The following WWOX variants were observed in gnomAD, a reference collection of about 807,000 sequenced individuals.
WWOX encodes the protein WW domain-containing oxidoreductase.
In WWOX, 69 loss-of-function variants were observed where a neutral mutation model predicts 46.2. The ratio of observed to expected loss-of-function variants is 1.49; its 90% CI spans 1.23 to 1.82. The LOEUF (loss-of-function observed/expected upper bound fraction) is 1.82, where lower values mean the gene tolerates loss of function less well. Among genes scored for constraint, WWOX ranks in the 40% most tolerant of loss-of-function variants. The pLI, the probability that WWOX is intolerant of heterozygous loss-of-function variation, is 0.00. For synonymous variants in WWOX, 359 were observed against 202.6 expected (o/e 1.77, Z -6.56); for missense variants, 919 against 542.6 (o/e 1.69, Z -6.89).
At chr16:78,449,089 G>C (rs1283179552) in intron 8 of WWOX, among the ~76,000 whole-genome samples, 1 of 152,134 alleles carries the variant, frequency 6.6e-6, no homozygotes, top group East Asian at 1.9e-4. Context: ...GACTCAGCAG[G>C]GAAGGATCCA....
At chr16:79,047,543 C>G (rs2048088225) in intron 8 of WWOX, among the ~76,000 whole-genome samples, 1 of 152,146 alleles carries the variant, frequency 6.6e-6, no homozygotes, top group African/African-American at 2.4e-5. Context: ...CTAGGGGCCA[C>G]CATGTGTATC....
chr16:78,727,920 T>A (rs2048874275), intron 8 of WWOX, among the ~76,000 whole-genome samples: 1 of 152,144 alleles, frequency 6.6e-6, no homozygotes, highest in Non-Finnish European at 1.5e-5. Flanking sequence ...TTTATCTGGG[T>A]CATTTTTACT....
intron 5 of WWOX, among the ~76,000 whole-genome samples, chr16:78,175,795 A>G (rs192440556): frequency 3.6e-4 from 55 of 152,282 alleles, no homozygotes; most frequent in Non-Finnish European, 7.1e-4. Flanking sequence ...GCTCTGGGGG[A>G]ATTTGTGATG....
chr16:78,783,267 G>A (rs903593571), intron 8 of WWOX, among the ~76,000 whole-genome samples: 5 of 152,228 alleles, frequency 3.3e-5, no homozygotes, highest in Admixed American at 1.3e-4. Flanking sequence ...ACAGGCTCCT[G>A]TTAAGCTCTC....
intron 8 of WWOX, among the ~76,000 whole-genome samples, chr16:79,070,493 G>C (rs1295965256): frequency 6.6e-6 from 1 of 152,162 alleles, no homozygotes; most frequent in Non-Finnish European, 1.5e-5. Flanking sequence ...AATTCTCATA[G>C]TCTGGAAGGG....
intron 8 of WWOX, among the ~76,000 whole-genome samples, chr16:78,868,100 C>G (rs995489789): frequency 1.3e-5 from 2 of 152,106 alleles, no homozygotes; most frequent in Admixed American, 1.3e-4. Flanking sequence ...CAGCATCATC[C>G]ATGATAGCCA....
intron 8 of WWOX, among the ~76,000 whole-genome samples, chr16:78,463,151 C>T (rs1457197721): frequency 6.6e-6 from 1 of 152,116 alleles, no homozygotes; most frequent in Non-Finnish European, 1.5e-5. Flanking sequence ...GTTGGCATGC[C>T]AGAGTGAAAA....
At chr16:78,287,959 A>C (rs530804113) in intron 5 of WWOX, among the ~76,000 whole-genome samples, 1 of 152,276 alleles carries the variant, frequency 6.6e-6, no homozygotes, top group East Asian at 1.9e-4. Flanking sequence ...GGTCGCTCAA[A>C]ACAGATTTTT....
intron 8 of WWOX, among the ~76,000 whole-genome samples, chr16:79,091,080 T>C (rs1275928422): frequency 1.3e-5 from 2 of 152,062 alleles, no homozygotes; most frequent in Non-Finnish European, 2.9e-5. Flanking sequence ...AAGCCACCGC[T>C]CCAGGCCTAG....
intron 8 of WWOX, among the ~76,000 whole-genome samples, chr16:78,966,886 G>A (rs1256708274): frequency 6.6e-6 from 1 of 152,168 alleles, no homozygotes. Flanking sequence ...TCATAGAGTT[G>A]CAGTGGAGAT....
At chr16:78,182,987 T>G (rs1304900267) in intron 5 of WWOX, among the ~76,000 whole-genome samples, 46 of 149,144 alleles carry the variant, frequency 3.1e-4, no homozygotes, top group Non-Finnish European at 5.2e-4. Context: ...AAAGCAAAGG[T>G]TTTTTCCTCC....
At chr16:78,533,259 T>C (rs1277422610) in intron 8 of WWOX, among the ~76,000 whole-genome samples, 4 of 152,078 alleles carry the variant, frequency 2.6e-5, no homozygotes, top group East Asian at 1.9e-4. Context: ...TAGAAAACTT[T>C]TGGCCGGGCA....
intron 8 of WWOX, among the ~76,000 whole-genome samples, chr16:79,019,367 G>C (rs751028530): frequency 4.6e-5 from 7 of 151,972 alleles, no homozygotes; most frequent in Admixed American, 2.0e-4. Context: ...TAGCCTCTTG[G>C]TCTTAGCCTA....
chr16:78,786,413 C>A (rs1119250), intron 8 of WWOX, among the ~76,000 whole-genome samples: 31,165 of 152,046 alleles, frequency 0.2, 3,335 homozygotes, highest in Admixed American at 0.25. Context: ...AGGATACAGT[C>A]AATGACTTCA....
At chr16:78,407,046 T>G (rs2082566060) in intron 6 of WWOX, among the ~76,000 whole-genome samples, 1 of 152,216 alleles carries the variant, frequency 6.6e-6, no homozygotes, top group Non-Finnish European at 1.5e-5. Context: ...AGATTTGACC[T>G]TACCTGGACT....
At chr16:78,356,071 T>TTAAAAAAAA (rs2081280147) in intron 5 of WWOX, among the ~76,000 whole-genome samples, 2 of 76,124 alleles carry the variant, frequency 2.6e-5, no homozygotes, top group Non-Finnish European at 5.1e-5. Flanking sequence ...TTTTTTTTCC[T>TTAAAAAAAA]AAAAAAAAAA....
chr16:79,173,844 T>G (rs565841724), intron 8 of WWOX, among the ~76,000 whole-genome samples: 6 of 152,226 alleles, frequency 3.9e-5, no homozygotes, highest in Non-Finnish European at 8.8e-5. Flanking sequence ...TGACTAGAAC[T>G]ATATTAAAAG....
At chr16:78,801,144 C>G (rs995313475) in intron 8 of WWOX, among the ~76,000 whole-genome samples, 2 of 151,936 alleles carry the variant, frequency 1.3e-5, no homozygotes, top group African/African-American at 4.8e-5. Context: ...GCCTCCACCT[C>G]TGCCTCCCAG....
At chr16:79,125,933 T>A (rs2049744089) in intron 8 of WWOX, among the ~76,000 whole-genome samples, 1 of 152,238 alleles carries the variant, frequency 6.6e-6, no homozygotes, top group African/African-American at 2.4e-5. Context: ...GACTGTCATC[T>A]CTGTGAGTGC....
Sources: allele counts gnomAD v4.1 joint callset (sites outside exome capture counted in the v4.1 genomes callset), GRCh38; gene constraint gnomAD v4.1.1; transcripts MANE v1.5; gene names NCBI Gene and HGNC (gene_info 2026-07-23, HGNC 2026-07-21).